The following NAALADL2 variants were observed in gnomAD, a reference collection of about 807,000 sequenced individuals.
NAALADL2 encodes the protein inactive N-acetylated-alpha-linked acidic dipeptidase-like protein 2.
Under a neutral mutation model 87.2 loss-of-function variants are expected in NAALADL2, and 76 were observed. The ratio of observed to expected loss-of-function variants is 0.87; its 90% confidence interval spans 0.72 to 1.05. The LOEUF is 1.05. Ranked by LOEUF, NAALADL2 falls within the 50% of genes least tolerant of loss-of-function variation. NAALADL2 has a pLI of 0.00. For synonymous variants in NAALADL2, 354 were observed against 331.0 expected, an observed-to-expected ratio of 1.07 and a Z score of -0.75; for missense variants, 1,089 against 945.8, an observed-to-expected ratio of 1.15 and a Z score of -1.99.
At chr3:175,589,260 A>C (rs1397999672) in intron 10 of NAALADL2, among the ~76,000 whole-genome samples, 4 of 152,218 alleles carry the variant, frequency 2.6e-5, no homozygotes, top group Non-Finnish European at 4.4e-5. Context: ...ATAAAATATT[A>C]TACCAGAAAG....
intron 4 of NAALADL2, among the ~76,000 whole-genome samples, chr3:175,291,472 TATTA>T (rs1465248423): frequency 6.6e-6 from 1 of 152,160 alleles, no homozygotes; most frequent in East Asian, 1.9e-4. Context: ...GAATATAAAA[TATTA>T]ATTAACTGAT....
intron 2 of NAALADL2, among the ~76,000 whole-genome samples, chr3:174,610,885 G>C (rs1263885224): frequency 6.6e-6 from 1 of 152,118 alleles, no homozygotes; most frequent in Non-Finnish European, 1.5e-5. Context: ...TTGAGGCACT[G>C]TTCACAATAG....
chr3:175,512,236 T>G (rs1324098479), intron 9 of NAALADL2, among the ~76,000 whole-genome samples: 12 of 152,062 alleles, frequency 7.9e-5, no homozygotes. Flanking sequence ...TGAGACAGTT[T>G]CAAAAACAAA....
At chr3:174,672,411 T>TG (rs1274120522) in intron 2 of NAALADL2, among the ~76,000 whole-genome samples, 2 of 152,024 alleles carry the variant, frequency 1.3e-5, no homozygotes, top group Admixed American at 1.3e-4. Context: ...GGGCCTATTA[T>TG]GGGGTCAGGC....
At chr3:175,329,699 A>G (rs539035144) in intron 5 of NAALADL2, among the ~76,000 whole-genome samples, 1 of 152,188 alleles carries the variant, frequency 6.6e-6, no homozygotes, top group Non-Finnish European at 1.5e-5. Flanking sequence ...TGTGCTCTGC[A>G]GGCTTCAGAT....
At chr3:174,822,726 AG>A (rs1468876005) in intron 3 of NAALADL2, among the ~76,000 whole-genome samples, 1 of 152,174 alleles carries the variant, frequency 6.6e-6, no homozygotes, top group Non-Finnish European at 1.5e-5. Context: ...AAGGTATGGA[AG>A]GTATGATTTG....
chr3:175,439,580 T>G (rs187143905), intron 5 of NAALADL2, among the ~76,000 whole-genome samples: 10 of 152,192 alleles, frequency 6.6e-5, no homozygotes, highest in African/African-American at 2.4e-4. Flanking sequence ...GGTTTGCAGT[T>G]CCATTATCAT....
chr3:175,566,915 A>C (rs957712455), intron 9 of NAALADL2, among the ~76,000 whole-genome samples: 1 of 152,108 alleles, frequency 6.6e-6, no homozygotes, highest in Non-Finnish European at 1.5e-5. Context: ...GGACTAATTA[A>C]TCTTTTTTAT....
chr3:174,921,232 A>G (rs1198506292), intron 1 of NAALADL2, among the ~76,000 whole-genome samples: 5 of 152,208 alleles, frequency 3.3e-5, no homozygotes, highest in Non-Finnish European at 5.9e-5. Flanking sequence ...GCAAAATGCA[A>G]AAAGTGAAGT....
intron 1 of NAALADL2, among the ~76,000 whole-genome samples, chr3:175,016,885 A>G (rs1375329901): frequency 6.6e-6 from 1 of 152,034 alleles, no homozygotes; most frequent in East Asian, 1.9e-4. Flanking sequence ...TGATCGGGTT[A>G]TCTATCACTT....
intron 4 of NAALADL2, among the ~76,000 whole-genome samples, chr3:175,274,095 G>A (rs978016168): frequency 1.1e-4 from 16 of 152,018 alleles, no homozygotes; most frequent in African/African-American, 3.1e-4. Flanking sequence ...TTATAAAAGG[G>A]GTTTAATTGA....
chr3:174,864,553 A>T (rs1726904600), intron 1 of NAALADL2, among the ~76,000 whole-genome samples: 1 of 152,102 alleles, frequency 6.6e-6, no homozygotes, highest in Admixed American at 6.6e-5. Flanking sequence ...CTTCTTGAAG[A>T]AAAGGTGATA....
intron 1 of NAALADL2, among the ~76,000 whole-genome samples, chr3:174,937,174 G>T (rs1204613882): frequency 6.6e-6 from 1 of 152,040 alleles, no homozygotes; most frequent in African/African-American, 2.4e-5. Flanking sequence ...AGTCTCACCA[G>T]GGATTAGTAA....
chr3:174,963,918 A>AT (rs1047610243), intron 1 of NAALADL2, among the ~76,000 whole-genome samples: 35 of 152,018 alleles, frequency 2.3e-4, no homozygotes, highest in African/African-American at 8.5e-4. Context: ...CATTTGTTGC[A>AT]TTTTCTGACA....
chr3:175,526,768 G>T (rs1285980275), intron 9 of NAALADL2, among the ~76,000 whole-genome samples: 2 of 152,024 alleles, frequency 1.3e-5, no homozygotes, highest in Non-Finnish European at 2.9e-5. Flanking sequence ...TGTTCCACGG[G>T]TCCACCAGCA....
chr3:175,200,385 C>T (rs1043807852), intron 2 of NAALADL2, among the ~76,000 whole-genome samples: 47 of 151,956 alleles, frequency 3.1e-4, no homozygotes, highest in African/African-American at 1.1e-3. Flanking sequence ...TTTAAGCAAT[C>T]CTGTTATTTT....
At chr3:175,040,842 C>A (rs1379228469) in intron 1 of NAALADL2, among the ~76,000 whole-genome samples, 2 of 152,084 alleles carry the variant, frequency 1.3e-5, no homozygotes, top group Non-Finnish European at 2.9e-5. Flanking sequence ...ATTTATTCTG[C>A]ACTAAGTTAT....
chr3:174,727,693 G>T (rs1412550892), intron 2 of NAALADL2, among the ~76,000 whole-genome samples: 2 of 152,042 alleles, frequency 1.3e-5, no homozygotes, highest in Non-Finnish European at 2.9e-5. Flanking sequence ...TGATATATTT[G>T]TTATAGTTGA....
At chr3:175,424,486 G>A (rs1174233999) in intron 5 of NAALADL2, among the ~76,000 whole-genome samples, 3 of 152,164 alleles carry the variant, frequency 2.0e-5, no homozygotes, top group Non-Finnish European at 4.4e-5. Flanking sequence ...TGGCTAGCCA[G>A]TTTTCCCAGC....
Sources: gnomAD v4.1 joint callset for allele counts (sites outside exome capture counted in the v4.1 genomes callset) on GRCh38, gnomAD v4.1.1 for gene constraint, MANE v1.5 for transcripts, NCBI Gene and HGNC (gene_info 2026-07-23, HGNC 2026-07-21) for gene names.